The following CD44 variants were observed in gnomAD, a reference collection of about 807,000 sequenced individuals.
CD44 encodes the protein CD44 molecule (IN blood group).
In CD44, 49 loss-of-function variants were observed where a neutral mutation model predicts 88.8. The observed-to-expected ratio is 0.55, with a 90% CI of 0.44 to 0.70. The LOEUF (loss-of-function observed/expected upper bound fraction) is 0.70. CD44 is among the 30% of genes least tolerant of loss of function. CD44 has a pLI of 0.00. For missense variants in CD44, 883 were observed against 913.8 expected (o/e 0.97, Z 0.43); for synonymous variants, 325 against 312.3 (o/e 1.04, Z -0.43).
chr11:35,188,533 T>C (rs1467732278), intron 4 of CD44, among the ~76,000 whole-genome samples: 4 of 152,224 alleles, frequency 2.6e-5, no homozygotes, highest in Non-Finnish European at 5.9e-5. Flanking sequence ...TCTTTTGAAG[T>C]CCAGACATGT....
chr11:35,220,273 G>T (rs543168714), intron 16 of CD44, among the ~76,000 whole-genome samples: 2 of 152,164 alleles, frequency 1.3e-5, no homozygotes, highest in Non-Finnish European at 2.9e-5. Flanking sequence ...ATTCTTCCCA[G>T]CTCCAGTGAC....
chr11:35,217,058 C>T (rs1201418764), intron 15 of CD44, among the ~76,000 whole-genome samples: 4 of 152,138 alleles, frequency 2.6e-5, no homozygotes, highest in South Asian at 2.1e-4. Context: ...GTGGCCAGTC[C>T]TACCCTGGCT....
rs774338871 is a variant in CD44 at position 35,211,320 on chromosome 11, AC to A, written c.1683del (p.Ser562LeufsTer15). The A allele has an allele frequency of 2.5e-6, 4 of 1,613,842 alleles. No homozygotes were observed. ...CTCAACTACTTTACTGGAAGGTTAT[AC>A]CTCTCATTACCCACACACGAAGGAA... The part of the protein sequence containing the change: ...EGSTTLLEGY[T>X]SHYPHTKESR... On this transcript the variant is annotated frameshift_variant, in exon 14 of 18. Transcript: ENST00000428726. LOFTEE classifies it high-confidence loss of function.
intron 4 of CD44, 84 bp from the exon 5 acceptor site, chr11:35,189,751 C>T (rs766494128): frequency 8.2e-5 from 74 of 897,880 alleles, no homozygotes; most frequent in Non-Finnish European, 1.3e-4. Context: ...AGGAAAATAG[C>T]TTTGAAGTCA....
At chr11:35,207,250 A>G (rs1947954713) in intron 11 of CD44, among the ~76,000 whole-genome samples, 1 of 152,240 alleles carries the variant, frequency 6.6e-6, no homozygotes. Flanking sequence ...TTTAGTGTTG[A>G]AAGGCTGCAG....
chr11:35,192,732 A>G (rs552995578), intron 5 of CD44, among the ~76,000 whole-genome samples: 13 of 151,382 alleles, frequency 8.6e-5, no homozygotes, highest in Admixed American at 7.2e-4. Flanking sequence ...TTCAGGAAGC[A>G]GACTCCTGCC....
chr11:35,229,753 C>A lies in CD44; in HGVS notation c.*420C>A. On this transcript the variant is annotated 3_prime_UTR_variant, in exon 18 of 18. Coordinates refer to ENST00000428726, the MANE Select transcript of CD44 (RefSeq NM_000610.4). ...ATGGGTCCATTTTGCCCTTCCATAG[C>A]CTAATCCCTGGGCATTGCTTTCCAC... 1 of 187,164 alleles carries A rather than the reference C, an allele frequency of 5.3e-6. No individual in the cohort carries two copies. Among genetic ancestry groups the A allele is most frequent in the Non-Finnish European group, 1.1e-5 (1 of 88,186 alleles). 11.6% of individuals were successfully genotyped at this position (187,164 alleles called of 1,614,324 possible).
At chr11:35,191,870 C>G (rs1338526339) in intron 5 of CD44, among the ~76,000 whole-genome samples, 1 of 152,160 alleles carries the variant, frequency 6.6e-6, no homozygotes, top group East Asian at 1.9e-4. Flanking sequence ...CGTACCAGGC[C>G]TATTAGAATG....
intron 9 of CD44, among the ~76,000 whole-genome samples, chr11:35,204,123 TTTTCC>T (rs1315279003): frequency 1.1e-4 from 16 of 152,206 alleles, no homozygotes; most frequent in African/African-American, 3.9e-4. Context: ...TTATACAGTG[TTTTCC>T]TTTCGTCAAA....
rs565313668 is a variant in CD44, at chr11:35,226,647, C to T, written c.2025-2482C>T. Reference sequence around the variant, plus strand: ...TTACCCCGCATAAGAGCAAGAATAACAATTATTTCCTTACCCCTCATAAGA... The same window carrying T: ...TTACCCCGCATAAGAGCAAGAATAATAATTATTTCCTTACCCCTCATAAGA... On this transcript the variant is annotated intron_variant, in intron 17 of 17. Coordinates refer to ENST00000428726, the MANE Select transcript of CD44 (RefSeq NM_000610.4). Among the ~76,000 whole-genome samples the T allele has an allele frequency of 4.6e-5, 7 of 152,212 alleles. No individual in the cohort carries two copies. In the South Asian group the frequency reaches 1.2e-3, roughly 27 times the overall value.
chr11:35,222,296 G>T, intron 17 of CD44: 1 of 675,080 alleles, frequency 1.5e-6, no homozygotes, highest in Non-Finnish European at 2.4e-6. Flanking sequence ...TTTGTCGTTT[G>T]TTTTTTTATT....
In CD44 at chr11:35,185,954, C is replaced by A. The variant is rs1209233559; in HGVS notation, c.368-878C>A. 3.9e-5 allele frequency among the ~76,000 whole-genome samples: 6 copies of A among 152,194 alleles called. No individual in the cohort carries two copies. The East Asian group carries it at 1.2e-3, about 29-fold the overall frequency. ...GAGACAGTGCTGCTCAGAGGGCTAC[C>A]AGTAACATCTGTGGATGATCAGTCA... On this transcript the variant is annotated intron_variant, in intron 3 of 17. Coordinates refer to ENST00000428726, the MANE Select transcript of CD44 (RefSeq NM_000610.4).
In CD44 at chr11:35,161,780, T is replaced by G. The variant is rs187841617; in HGVS notation, c.68-14795T>G. On this transcript the variant is annotated intron_variant, in intron 1 of 17. Transcript: ENST00000428726. ...TCTGAATTCTAAGGACATCTTCTTA[T>G]GGACTGTGGGAGGCAAAGATGAATT... is the stretch of plus-strand genomic sequence containing the variant. 5.9e-5 allele frequency among the ~76,000 whole-genome samples: 9 copies of G among 152,330 alleles called. 1 individual carries two copies. In the East Asian group the frequency reaches 1.7e-3, roughly 29 times the overall value.
intron 1 of CD44, among the ~76,000 whole-genome samples, chr11:35,152,772 T>A (rs960416814): frequency 2.0e-5 from 3 of 152,168 alleles, no homozygotes; most frequent in African/African-American, 4.8e-5. Flanking sequence ...GGCTTCTTGG[T>A]TGTGCCACTT....
chr11:35,141,100 A>T lies in CD44; in HGVS notation c.67+1730A>T, dbSNP rs1003204801. On this transcript the variant is annotated intron_variant, in intron 1 of 17. Transcript: ENST00000428726. ...CCAGGCATTATGTTAAATATTTTCC[A>T]TGTGTTATCTCATTCTACCCTCACA... 5.8e-4 allele frequency among the ~76,000 whole-genome samples: 88 copies of T among 151,984 alleles called. 5 individuals are homozygous for T.
intron 1 of CD44, among the ~76,000 whole-genome samples, chr11:35,165,006 A>G (rs1040993751): frequency 2.6e-5 from 4 of 152,116 alleles, no homozygotes; most frequent in Non-Finnish European, 5.9e-5. Flanking sequence ...CTACCACAGT[A>G]TTTTCCAGAC....
intron 17 of CD44, among the ~76,000 whole-genome samples, chr11:35,224,117 T>C (rs1392429683): frequency 6.6e-6 from 1 of 152,210 alleles, no homozygotes; most frequent in East Asian, 1.9e-4. Flanking sequence ...ATATAAATTA[T>C]GGTTAAAAGA....
At chr11:35,219,460 A>G in intron 16 of CD44, 73 bp downstream of exon 16, 1 of 1,095,758 alleles carries the variant, frequency 9.1e-7, no homozygotes. Flanking sequence ...AAGGACGAAG[A>G]GACTCATTTG....
At chr11:35,217,747 T>A (rs890514475) in intron 15 of CD44, among the ~76,000 whole-genome samples, 2 of 152,134 alleles carry the variant, frequency 1.3e-5, no homozygotes, top group Non-Finnish European at 2.9e-5. Flanking sequence ...GACCCCACCA[T>A]TTTCATCCAT....
Sources: gnomAD v4.1 joint callset for allele counts (sites outside exome capture counted in the v4.1 genomes callset) on GRCh38, gnomAD v4.1.1 for gene constraint, MANE v1.5 for transcripts, NCBI Gene and HGNC (gene_info 2026-07-23, HGNC 2026-07-21) for gene names.